STX8: variants seen among roughly 807,000 people sequenced by gnomAD.
STX8 encodes the protein syntaxin-8.
STX8 carries 23 observed loss-of-function variants against 37.5 expected under a neutral mutation model. The observed-to-expected ratio is 0.61, with a 90% confidence interval of 0.44 to 0.87. The LOEUF is 0.87. Ranked by LOEUF, STX8 falls within the 40% of genes least tolerant of loss-of-function variation. STX8 has a pLI of 0.00. For missense variants in STX8, 313 were observed against 284.7 expected, an observed-to-expected ratio of 1.10 and a Z score of -0.71; for synonymous variants, 115 against 99.1, an observed-to-expected ratio of 1.16 and a Z score of -0.95.
rs150063477 is a variant in STX8, at chr17:9,352,408, C to CT, written c.643+26143dup. 5.8e-3 allele frequency among the ~76,000 whole-genome samples: 832 copies of CT among 143,166 alleles called. 3 individuals carry two copies. The highest frequency in any genetic ancestry group is 0.017 in the African/African-American group (663 of 38,978). 93.9% of individuals were successfully genotyped at this position (143,166 alleles called of 152,430 possible). Reference sequence around the variant, plus strand: ...GCAAAAGCTGTTTTTCTAATTTTATCTTTTTTTTTTAATATATCTTAGCTG... The same window carrying CT: ...GCAAAAGCTGTTTTTCTAATTTTATCTTTTTTTTTTTAATATATCTTAGCTG... On this transcript the variant is annotated intron_variant, in intron 7 of 7. Coordinates refer to ENST00000306357, the MANE Select transcript of STX8 (RefSeq NM_004853.3).
intron 2 of STX8, among the ~76,000 whole-genome samples, chr17:9,562,125 C>T (rs1306376238): frequency 1.3e-5 from 2 of 151,590 alleles, no homozygotes; most frequent in Non-Finnish European, 2.9e-5. Flanking sequence ...AACTTTCGGC[C>T]GGGCGCAGTG....
chr17:9,516,440 A>G (rs1418549922), intron 4 of STX8, among the ~76,000 whole-genome samples: 1 of 150,812 alleles, frequency 6.6e-6, no homozygotes, highest in African/African-American at 2.4e-5. Flanking sequence ...ACAGACATAT[A>G]TAGAAAGGAT....
chr17:9,424,033 C>A (rs1032388860), intron 6 of STX8, among the ~76,000 whole-genome samples: 1 of 152,142 alleles, frequency 6.6e-6, no homozygotes, highest in Admixed American at 6.5e-5. Context: ...TTCTGATGGT[C>A]CCTACACATT....
chr17:9,498,315 A>G (rs1797063767), intron 5 of STX8, among the ~76,000 whole-genome samples: 1 of 151,820 alleles, frequency 6.6e-6, no homozygotes, highest in South Asian at 2.1e-4. Flanking sequence ...ACTTGAACCC[A>G]GGAGATGGAG....
rs1402737010 is a variant in STX8, at chr17:9,478,163, T to C, written c.541+13666A>G. 2.0e-5 allele frequency among the ~76,000 whole-genome samples: 3 copies of C among 152,114 alleles called. No individual in the cohort carries two copies. The East Asian group carries it at 5.8e-4, about 29-fold the overall frequency. ...TTTTTTTTATTTTGTTGAGACGGAG[T>C]CTAGCTCTGTCGCCCAGGCTGGAGT... On this transcript the variant is annotated intron_variant, in intron 6 of 7. Coordinates refer to ENST00000306357, the MANE Select transcript of STX8 (RefSeq NM_004853.3).
intron 7 of STX8, among the ~76,000 whole-genome samples, chr17:9,295,917 G>A (rs1182649138): frequency 1.3e-5 from 2 of 149,722 alleles, no homozygotes; most frequent in Non-Finnish European, 3.0e-5. Flanking sequence ...GTGGCCAGGC[G>A]CAGTGGCTCA....
At chr17:9,341,005 T>G (rs917458637) in intron 7 of STX8, among the ~76,000 whole-genome samples, 1 of 144,490 alleles carries the variant, frequency 6.9e-6, no homozygotes, top group Non-Finnish European at 1.5e-5. Context: ...ATAAATTATA[T>G]ATATAAATAT....
intron 6 of STX8, among the ~76,000 whole-genome samples, chr17:9,416,803 G>A (rs1397855687): frequency 6.6e-6 from 1 of 152,190 alleles, no homozygotes. Flanking sequence ...CTTGAATTCT[G>A]CTAAAATGTA....
chr17:9,509,083 C>T (rs887552964), intron 4 of STX8, among the ~76,000 whole-genome samples: 2 of 152,118 alleles, frequency 1.3e-5, no homozygotes, highest in African/African-American at 2.4e-5. Context: ...TCTGTCTCTA[C>T]TAAAAATACA....
intron 4 of STX8, among the ~76,000 whole-genome samples, chr17:9,526,386 C>T (rs1597724612): frequency 1.3e-5 from 2 of 152,100 alleles, no homozygotes; most frequent in Admixed American, 6.5e-5. Context: ...AGACCGCCCC[C>T]ACCCGCCACT....
At chr17:9,279,975 C>G (rs1479910390) in intron 7 of STX8, among the ~76,000 whole-genome samples, 1 of 152,228 alleles carries the variant, frequency 6.6e-6, no homozygotes, top group African/African-American at 2.4e-5. Flanking sequence ...TGGCTTACAT[C>G]TGTAATCCCA....
chr17:9,528,705 G>A (rs190299005), intron 4 of STX8, among the ~76,000 whole-genome samples: 5 of 151,924 alleles, frequency 3.3e-5, no homozygotes, highest in East Asian at 1.9e-4. Flanking sequence ...GAGGGAATAC[G>A]GAAAGGGAAG....
chr17:9,290,389 G>A (rs993376586), intron 7 of STX8, among the ~76,000 whole-genome samples: 5 of 152,138 alleles, frequency 3.3e-5, no homozygotes, highest in Admixed American at 1.3e-4. Context: ...CATGGAACAC[G>A]CAGGTATTGG....
intron 4 of STX8, among the ~76,000 whole-genome samples, chr17:9,514,045 G>A (rs1012600795): frequency 6.6e-6 from 1 of 152,152 alleles, no homozygotes; most frequent in Non-Finnish European, 1.5e-5. Context: ...AAGGGGGAGA[G>A]CAAGAGATTT....
At chr17:9,306,070 T>C (rs1335138495) in intron 7 of STX8, among the ~76,000 whole-genome samples, 3 of 152,138 alleles carry the variant, frequency 2.0e-5, no homozygotes, top group African/African-American at 4.8e-5. Flanking sequence ...AAATCCTTTA[T>C]GTTGTACTTT....
intron 4 of STX8, among the ~76,000 whole-genome samples, chr17:9,535,810 T>C (rs973683813): frequency 2.0e-5 from 3 of 152,138 alleles, no homozygotes; most frequent in African/African-American, 7.2e-5. Context: ...ATTTTTGTAA[T>C]AGAAAAAGAC....
At chr17:9,351,686 T>C (rs1379688557) in intron 7 of STX8, among the ~76,000 whole-genome samples, 1 of 152,186 alleles carries the variant, frequency 6.6e-6, no homozygotes, top group Admixed American at 6.5e-5. Flanking sequence ...CATATTTCTT[T>C]AGTTTCCTTT....
At chr17:9,288,427 C>T (rs1267959688) in intron 7 of STX8, among the ~76,000 whole-genome samples, 4 of 151,442 alleles carry the variant, frequency 2.6e-5, no homozygotes, top group African/African-American at 7.3e-5. Flanking sequence ...TTTGGGAGGC[C>T]GAGACGGGTG....
intron 7 of STX8, among the ~76,000 whole-genome samples, chr17:9,370,887 G>A (rs1376742811): frequency 1.3e-5 from 2 of 150,926 alleles, no homozygotes; most frequent in Non-Finnish European, 2.9e-5. Flanking sequence ...AGGTACCAGT[G>A]GAAAAATATC....
Sources: gnomAD v4.1 joint callset for allele counts (sites outside exome capture counted in the v4.1 genomes callset) on GRCh38, gnomAD v4.1.1 for gene constraint, MANE v1.5 for transcripts, NCBI Gene and HGNC (gene_info 2026-07-23, HGNC 2026-07-21) for gene names.